The following CTXND1 variants were observed in gnomAD, a reference collection of about 807,000 sequenced individuals.
CTXND1 encodes cortexin domain-containing 1 protein.
At chr15:80,242,556 C>G (rs547853112) in intron 1 of CTXND1, among the ~76,000 whole-genome samples, 2 of 152,208 alleles carry the variant, frequency 1.3e-5, no homozygotes, top group South Asian at 4.1e-4. Context: ...CTAGTCAATG[C>G]CGAGGGAGGA....
chr15:80,227,561 G>T (rs1450634668), intron 1 of CTXND1, among the ~76,000 whole-genome samples: 1 of 152,092 alleles, frequency 6.6e-6, no homozygotes, highest in Non-Finnish European at 1.5e-5. Context: ...ACAATAAAGT[G>T]ATATTTTTGG....
chr15:80,226,991 C>T (rs1243749363), intron 1 of CTXND1, among the ~76,000 whole-genome samples: 1 of 152,094 alleles, frequency 6.6e-6, no homozygotes, highest in Non-Finnish European at 1.5e-5. Flanking sequence ...TGCTCTTTGC[C>T]TATTAACTAG....
At chr15:80,212,650 A>C (rs1893213304) in intron 1 of CTXND1, among the ~76,000 whole-genome samples, 1 of 152,202 alleles carries the variant, frequency 6.6e-6, no homozygotes, top group Non-Finnish European at 1.5e-5. Context: ...GTTATCCAGA[A>C]AAAAATATTG....
At chr15:80,236,881 C>A (rs574456842) in intron 1 of CTXND1, among the ~76,000 whole-genome samples, 1 of 151,988 alleles carries the variant, frequency 6.6e-6, no homozygotes, top group Admixed American at 6.6e-5. Flanking sequence ...GTATTACTCA[C>A]GTGTTTGTGG....
At chr15:80,227,469 G>A (rs528965205) in intron 1 of CTXND1, among the ~76,000 whole-genome samples, 4 of 152,164 alleles carry the variant, frequency 2.6e-5, no homozygotes, top group East Asian at 3.9e-4. Flanking sequence ...GTAGACATCC[G>A]GCTATATAAG....
chr15:80,202,792 C>T (rs1274245921), intron 2 of CTXND1, among the ~76,000 whole-genome samples: 1 of 152,192 alleles, frequency 6.6e-6, no homozygotes, highest in Non-Finnish European at 1.5e-5. Flanking sequence ...CTGCTGACGC[C>T]AGCACATGGC....
chr15:80,220,943 C>T (rs1284413577), intron 1 of CTXND1, among the ~76,000 whole-genome samples: 1 of 148,308 alleles, frequency 6.7e-6, no homozygotes, highest in African/African-American at 2.5e-5. Context: ...GAGTCTCGCT[C>T]TGTCGCCCAG....
intron 1 of CTXND1, among the ~76,000 whole-genome samples, chr15:80,245,245 T>C (rs1050802719): frequency 6.6e-6 from 1 of 152,180 alleles, no homozygotes; most frequent in African/African-American, 2.4e-5. Context: ...CATCAAGACC[T>C]CTAGGTTCTG....
At chr15:80,245,849 C>T (rs1328847314) in intron 1 of CTXND1, among the ~76,000 whole-genome samples, 1 of 152,092 alleles carries the variant, frequency 6.6e-6, no homozygotes, top group Non-Finnish European at 1.5e-5. Flanking sequence ...CCTGGCCAGC[C>T]CCCATGCTAC....
intron 1 of CTXND1, among the ~76,000 whole-genome samples, chr15:80,236,699 C>G (rs1280581352): frequency 2.6e-5 from 4 of 151,490 alleles, no homozygotes; most frequent in Non-Finnish European, 5.9e-5. Context: ...AGGAGAATTA[C>G]TTGAACTGGG....
intron 1 of CTXND1, among the ~76,000 whole-genome samples, chr15:80,217,847 C>A (rs1036826129): frequency 1.3e-5 from 2 of 152,116 alleles, no homozygotes; most frequent in Admixed American, 1.3e-4. Context: ...ATGGCCAGCC[C>A]ACTAATAGTT....
chr15:80,226,197 G>A (rs558389194), intron 1 of CTXND1, among the ~76,000 whole-genome samples: 1 of 152,198 alleles, frequency 6.6e-6, no homozygotes, highest in East Asian at 2.0e-4. Context: ...AAGAGAATGA[G>A]GTGGGTCCCT....
At position 80,215,843 on chromosome 15, in the gene CTXND1, C is replaced by T. The variant is rs1893247178; in HGVS notation, c.-217-12103G>A. ...TTCGTTGCTCTTTCCTCCCTCTGGA[C>T]GTTGCTTAGGGGAGACTGGGCTACT... On this transcript the variant is annotated intron_variant, in intron 1 of 2. Coordinates refer to ENST00000560778, the MANE Select transcript of CTXND1 (RefSeq NM_001352888.2). Among the ~76,000 whole-genome samples the T allele has an allele frequency of 2.0e-5, 3 of 152,144 alleles. No homozygotes were observed. In the South Asian group the frequency reaches 6.2e-4, roughly 31 times the overall value.
intron 2 of CTXND1, among the ~76,000 whole-genome samples, chr15:80,202,563 C>T (rs1216887841): frequency 1.3e-5 from 2 of 152,228 alleles, no homozygotes; most frequent in African/African-American, 2.4e-5. Flanking sequence ...AATCCTCTTG[C>T]CTTGGCCTCC....
chr15:80,217,521 CTTATTTATTTATTTATTTAT>C (rs67800490), intron 1 of CTXND1, among the ~76,000 whole-genome samples: 119 of 143,766 alleles, frequency 8.3e-4, no homozygotes, highest in African/African-American at 2.9e-3. Flanking sequence ...CAATAGCTTG[CTTATTTATTTATTTATTTAT>C]TTATTTATTT....
intron 1 of CTXND1, among the ~76,000 whole-genome samples, chr15:80,219,351 A>G (rs78220298): frequency 0.019 from 2,923 of 152,260 alleles, 96 homozygotes; most frequent in East Asian, 0.13. Flanking sequence ...TCATGCCAAT[A>G]CATGTAACTT....
chr15:80,237,056 C>T (rs1255227776), intron 1 of CTXND1, among the ~76,000 whole-genome samples: 1 of 152,022 alleles, frequency 6.6e-6, no homozygotes, highest in African/African-American at 2.4e-5. Context: ...AAACAGTTGG[C>T]CAGGCGCGGT....
At chr15:80,225,093 T>C (rs1433580039) in intron 1 of CTXND1, among the ~76,000 whole-genome samples, 1 of 152,212 alleles carries the variant, frequency 6.6e-6, no homozygotes, top group Non-Finnish European at 1.5e-5. Context: ...TCCTTATACG[T>C]GAAGTGTTGT....
intron 1 of CTXND1, among the ~76,000 whole-genome samples, chr15:80,227,458 A>T (rs1938861734): frequency 6.6e-6 from 1 of 152,142 alleles, no homozygotes; most frequent in Admixed American, 6.6e-5. Context: ...CTCCTCCTCA[A>T]GTAGACATCC....
Sources: gnomAD v4.1 joint callset for allele counts (sites outside exome capture counted in the v4.1 genomes callset) on GRCh38, gnomAD v4.1.1 for gene constraint, MANE v1.5 for transcripts, NCBI Gene and HGNC (gene_info 2026-07-23, HGNC 2026-07-21) for gene names.